OSBPL3: variants seen among roughly 807,000 people sequenced by gnomAD.
OSBPL3 encodes the protein oxysterol binding protein like 3.
OSBPL3 carries 65 observed loss-of-function variants against 120.1 expected under a neutral mutation model. The ratio of observed to expected loss-of-function variants is 0.54; its 90% confidence interval spans 0.44 to 0.67. The LOEUF (loss-of-function observed/expected upper bound fraction) is 0.67. OSBPL3 is among the 30% of genes least tolerant of loss of function. OSBPL3 has a pLI of 0.00. For synonymous variants in OSBPL3, 416 were observed against 402.6 expected (o/e 1.03, Z -0.40); for missense variants, 1,004 against 1,082.1 (o/e 0.93, Z 1.01).
Position 24,932,280 on chromosome 7 carries a change from T to C in OSBPL3, c.-149-39659A>G, listed in dbSNP as rs1172754139. Among the ~76,000 whole-genome samples the C allele has an allele frequency of 1.3e-5, 2 of 152,214 alleles. No homozygotes were observed. Among genetic ancestry groups the C allele is most frequent in the African/African-American group, 2.4e-5 (1 of 41,452 alleles). ...GCATTTCGGACTGAAGATCACCTTTTTATCCAGTGTACTTGCAGCATTCCC... is the reference window on the plus strand; with the variant it reads ...GCATTTCGGACTGAAGATCACCTTTCTATCCAGTGTACTTGCAGCATTCCC... On this transcript the variant is annotated intron_variant, in intron 1 of 22. Coordinates refer to ENST00000313367, the MANE Select transcript of OSBPL3 (RefSeq NM_015550.4). This position sits in a 1 kb window ranked among gnomAD's most constrained non-coding sequence, Gnocchi z 5.6.
chr7:24,961,580 A>C (rs1251032300), intron 1 of OSBPL3, among the ~76,000 whole-genome samples: 1 of 152,194 alleles, frequency 6.6e-6, no homozygotes, highest in Non-Finnish European at 1.5e-5. Context: ...TTTAGAGGAC[A>C]CAGCTAGAAG....
chr7:24,880,911 A>T (rs539920600), intron 2 of OSBPL3, among the ~76,000 whole-genome samples: 7 of 152,012 alleles, frequency 4.6e-5, no homozygotes, highest in South Asian at 2.1e-4. Context: ...ATTTTAATTT[A>T]AAAAAAACCT....
intron 2 of OSBPL3, among the ~76,000 whole-genome samples, chr7:24,885,533 G>A (rs901616417): frequency 2.0e-5 from 3 of 152,198 alleles, no homozygotes; most frequent in Non-Finnish European, 2.9e-5. Context: ...TAATTGTATG[G>A]AAACTTACCT....
At position 24,849,249 on chromosome 7, in the gene OSBPL3, A is replaced by G. The variant is rs1478306840; in HGVS notation, c.1159-73T>C. ...AGAAAAGCACAGCAGTGGGCCCTGC[A>G]GGAGCGATCTCTAAGAGCTTGATGA... On this transcript the variant is annotated intron_variant, in intron 11 of 22. Transcript: ENST00000313367. The surrounding 1 kb of genome is among the most constrained non-coding windows in gnomAD (Gnocchi z 5.4). The G allele has an allele frequency of 5.5e-6, 6 of 1,097,326 alleles. No individual in the cohort carries two copies. Among genetic ancestry groups the G allele is most frequent in the Non-Finnish European group, 8.2e-6 (6 of 730,788 alleles). The allele number at this position is 1,097,326 out of a possible 1,614,324, so 68.0% of individuals were successfully genotyped here.
intron 20 of OSBPL3, among the ~76,000 whole-genome samples, chr7:24,809,079 C>T (rs368574253): frequency 2.0e-5 from 3 of 152,256 alleles, no homozygotes; most frequent in Middle Eastern, 3.4e-3. Context: ...CCACCCCCCC[C>T]ACTCACTTAC....
At chr7:24,895,088 T>C (rs1805940976) in intron 1 of OSBPL3, among the ~76,000 whole-genome samples, 1 of 152,164 alleles carries the variant, frequency 6.6e-6, no homozygotes, top group Non-Finnish European at 1.5e-5. Context: ...TATATCTATT[T>C]CATCCCCTAG....
intron 19 of OSBPL3, among the ~76,000 whole-genome samples, chr7:24,810,996 C>T (rs1449309918): frequency 6.6e-6 from 1 of 152,230 alleles, no homozygotes; most frequent in African/African-American, 2.4e-5. Flanking sequence ...CATGGAGATG[C>T]AGGTATCTCT....
chr7:24,897,038 C>T (rs918374000), intron 1 of OSBPL3, among the ~76,000 whole-genome samples: 3 of 148,864 alleles, frequency 2.0e-5, no homozygotes, highest in African/African-American at 7.4e-5. Context: ...CACCACTGCA[C>T]TCCAGCATGA....
At position 24,804,219 on chromosome 7, in the gene OSBPL3, T is replaced by G; in HGVS notation, c.2567+96A>C. 7.0e-7 allele frequency: 1 copy of G among 1,433,344 alleles called. No homozygotes were observed. The allele number at this position is 1,433,344 out of a possible 1,614,324, so 88.8% of individuals were successfully genotyped here. On this transcript the variant is annotated intron_variant, in intron 22 of 22. Transcript: ENST00000313367. The surrounding 1 kb of genome is among the most constrained non-coding windows in gnomAD (Gnocchi z 5.4). The stretch of plus-strand genomic sequence containing the variant: ...AGCAGGAAAAGCCTGGAGAATGCTC[T>G]TATCTGGGGACAGTACTGTTCACTT...
Position 24,819,631 on chromosome 7 carries a change from C to T in OSBPL3, c.1948+544G>A, listed in dbSNP as rs11761859. On this transcript the variant is annotated intron_variant, in intron 17 of 22. Transcript: ENST00000313367. This position sits in a 1 kb window ranked among gnomAD's most constrained non-coding sequence, Gnocchi z 4.1. Reference sequence around the variant, plus strand: ...TTAAAATGTATATGTGCTCACTGTCCAAAAACCTAGGATGCTTATATGTTC... The same window carrying T: ...TTAAAATGTATATGTGCTCACTGTCTAAAAACCTAGGATGCTTATATGTTC... 0.74 allele frequency among the ~76,000 whole-genome samples: 111,768 copies of T among 152,022 alleles called. 41,604 individuals carry two copies. Among genetic ancestry groups the T allele is most frequent in the East Asian group, 0.97 (5,040 of 5,188 alleles).
chr7:24,888,093 C>T (rs1804797196), intron 2 of OSBPL3, among the ~76,000 whole-genome samples: 1 of 151,870 alleles, frequency 6.6e-6, no homozygotes. Context: ...TTTTAGTGGG[C>T]TTTTGTACAA....
rs867741142 is a variant in OSBPL3 at position 24,871,376 on chromosome 7, A to G, written c.267+366T>C. Among the ~76,000 whole-genome samples the G allele has an allele frequency of 1.3e-5, 2 of 152,096 alleles. No individual in the cohort carries two copies. The highest frequency in any genetic ancestry group is 4.8e-5 in the African/African-American group (2 of 41,414). ...CTGCCTGGGATTAATTTGAAAAGGA[A>G]CTTCTTCACCCAGGGGCTTCTCCCC... On this transcript the variant is annotated intron_variant, in intron 4 of 22. Coordinates refer to ENST00000313367, the MANE Select transcript of OSBPL3 (RefSeq NM_015550.4). The surrounding 1 kb of genome is among the most constrained non-coding windows in gnomAD (Gnocchi z 4.8).
intron 12 of OSBPL3, among the ~76,000 whole-genome samples, chr7:24,845,445 A>ATGTGTGTG (rs112776265): frequency 0.023 from 2,593 of 114,812 alleles, 36 homozygotes; most frequent in African/African-American, 0.057. Flanking sequence ...ATTTGTGTGT[A>ATGTGTGTG]TGTGTGTGTG....
At chr7:24,865,307 C>T (rs1801152579) in intron 7 of OSBPL3, 35 bp downstream of exon 7, 1 of 1,608,950 alleles carries the variant, frequency 6.2e-7, no homozygotes, top group South Asian at 1.1e-5. Context: ...CATCTAATAG[C>T]CACAACAGAA....
In OSBPL3 at chr7:24,799,543, G is replaced by A. The variant is rs1414271095; in HGVS notation, c.*640C>T. 2 of 152,150 alleles carry A rather than the reference G, an allele frequency of 1.3e-5. No homozygotes were observed. Among genetic ancestry groups the A allele is most frequent in the Non-Finnish European group, 2.9e-5 (2 of 68,018 alleles). The allele number at this position is 152,150 out of a possible 1,614,324, so 9.4% of individuals were successfully genotyped here. ...ATATAAGGCAATAGAACTATAGGGAGGAACAAGTTCAAATGCTTCCTTTTC... is the reference window on the plus strand; with the variant it reads ...ATATAAGGCAATAGAACTATAGGGAAGAACAAGTTCAAATGCTTCCTTTTC... On this transcript the variant is annotated 3_prime_UTR_variant, in exon 23 of 23. Transcript: ENST00000313367. The surrounding 1 kb of genome is among the most constrained non-coding windows in gnomAD (Gnocchi z 5.3).
intron 1 of OSBPL3, among the ~76,000 whole-genome samples, chr7:24,901,580 T>C (rs367964191): frequency 6.6e-6 from 1 of 152,224 alleles, no homozygotes; most frequent in Non-Finnish European, 1.5e-5. Flanking sequence ...TATCATTCAG[T>C]GGCTCACACT....
chr7:24,855,960 C>T lies in OSBPL3; in HGVS notation c.1028-3326G>A, dbSNP rs1307629902. The stretch of plus-strand genomic sequence containing the variant: ...GCTTCCCCGCCAAATGGTCTGCTGG[C>T]CCACGCTTGTCAGAGCACTTGCTAT... On this transcript the variant is annotated intron_variant, in intron 10 of 22. Coordinates refer to ENST00000313367, the MANE Select transcript of OSBPL3 (RefSeq NM_015550.4). This position sits in a 1 kb window ranked among gnomAD's most constrained non-coding sequence, Gnocchi z 4.3. Among the ~76,000 whole-genome samples, 4 of 152,210 alleles carry T rather than the reference C, an allele frequency of 2.6e-5. No individual in the cohort carries two copies. The highest frequency in any genetic ancestry group is 6.5e-5 in the Admixed American group (1 of 15,282).
rs1311573496 is a variant in OSBPL3, at chr7:24,883,591, A to G, written c.96+8786T>C. On this transcript the variant is annotated intron_variant, in intron 2 of 22. Coordinates refer to ENST00000313367, the MANE Select transcript of OSBPL3 (RefSeq NM_015550.4). The surrounding 1 kb of genome is among the most constrained non-coding windows in gnomAD (Gnocchi z 5.4). ...TATATTTATTTTCTTAAGGCATCCC[A>G]TGCAGTTTTCATCAAAGTAATATTT... Among the ~76,000 whole-genome samples the G allele has an allele frequency of 6.6e-6, 1 of 152,182 alleles. No individual in the cohort carries two copies. Among genetic ancestry groups the G allele is most frequent in the Non-Finnish European group, 1.5e-5 (1 of 68,030 alleles).
At chr7:24,840,633 T>C in intron 14 of OSBPL3, 57 bp downstream of exon 14, 1 of 708,418 alleles carries the variant, frequency 1.4e-6, no homozygotes, top group South Asian at 1.9e-5. Flanking sequence ...ACTATACAAC[T>C]TATTAGTATT....
Sources: allele counts gnomAD v4.1 joint callset (sites outside exome capture counted in the v4.1 genomes callset), GRCh38; gene constraint gnomAD v4.1.1; non-coding constraint Gnocchi (gnomAD v3.1); transcripts MANE v1.5; gene names NCBI Gene and HGNC (gene_info 2026-07-23, HGNC 2026-07-21).